Variants in SPATS2 observed in about 807,000 individuals in gnomAD.
The protein encoded by SPATS2 is spermatogenesis associated serine rich 2, also known as spermatogenesis-associated serine-rich protein 2.
In SPATS2, 38 loss-of-function variants were observed where a neutral mutation model predicts 63.7. The ratio of observed to expected loss-of-function variants is 0.60; its 90% CI spans 0.46 to 0.78. The LOEUF (loss-of-function observed/expected upper bound fraction) is 0.78, where lower values mean the gene tolerates loss of function less well. Among genes scored for constraint, SPATS2 ranks in the 30% least tolerant of loss-of-function variants. The pLI is 0.00. For missense variants in SPATS2, 588 were observed against 666.2 expected (o/e 0.88, Z 1.29); for synonymous variants, 207 against 232.9 (o/e 0.89, Z 1.01).
chr12:49,412,225 C>G (rs959001699), intron 2 of SPATS2, among the ~76,000 whole-genome samples: 3 of 152,072 alleles, frequency 2.0e-5, no homozygotes, highest in African/African-American at 7.2e-5. Flanking sequence ...GATGGATTCT[C>G]TCTCTGTCGC....
At chr12:49,446,626 A>G (rs1026455079) in intron 2 of SPATS2, among the ~76,000 whole-genome samples, 1 of 152,140 alleles carries the variant, frequency 6.6e-6, no homozygotes, top group Non-Finnish European at 1.5e-5. Flanking sequence ...CTCTTGCTTC[A>G]AATCTGTCTT....
At chr12:49,501,556 G>A (rs1251060381) in intron 9 of SPATS2, among the ~76,000 whole-genome samples, 1 of 152,148 alleles carries the variant, frequency 6.6e-6, no homozygotes, top group South Asian at 2.1e-4. Context: ...AATGTTTCCT[G>A]GAACACTGAA....
chr12:49,485,207 C>CA (rs1274256050), intron 4 of SPATS2, among the ~76,000 whole-genome samples: 1 of 151,674 alleles, frequency 6.6e-6, no homozygotes, highest in Non-Finnish European at 1.5e-5. Context: ...GCTGGGACTA[C>CA]AGGCGCCCAC....
intron 12 of SPATS2, among the ~76,000 whole-genome samples, chr12:49,523,631 G>C (rs1946979857): frequency 6.6e-6 from 1 of 152,180 alleles, no homozygotes; most frequent in Non-Finnish European, 1.5e-5. Flanking sequence ...CCTGAACTCA[G>C]CCTCTCTGTT....
chr12:49,380,447 TG>T (rs1229495242), intron 2 of SPATS2, among the ~76,000 whole-genome samples: 1 of 152,196 alleles, frequency 6.6e-6, no homozygotes, highest in Non-Finnish European at 1.5e-5. Flanking sequence ...GACTCACACC[TG>T]TAATCTCAGC....
In SPATS2 at chr12:49,524,927, G is replaced by A. The variant is rs776170048; in HGVS notation, c.1326+31G>A. The A allele has an allele frequency of 3.8e-6, 6 of 1,599,494 alleles. No individual in the cohort carries two copies. The Admixed American group carries it at 8.4e-5, about 22-fold the overall frequency. ...CTAGCTTCTACACTGAGCATGTTAG[G>A]AAGAAAACCCTCCAGATTGTCAAAG... On this transcript the variant is annotated intron_variant, in intron 13 of 13. Transcript: ENST00000552918.
At chr12:49,509,909 G>A (rs765654461) in intron 9 of SPATS2, among the ~76,000 whole-genome samples, 47 of 151,822 alleles carry the variant, frequency 3.1e-4, no homozygotes, top group African/African-American at 9.4e-4. Flanking sequence ...AAAAAAAGGC[G>A]TCTGCATTGG....
chr12:49,489,614 CA>C (rs1565747026), intron 5 of SPATS2, 41 bp downstream of exon 5: 2 of 1,543,718 alleles, frequency 1.3e-6, no homozygotes, highest in South Asian at 1.2e-5. Context: ...TATATTTGCT[CA>C]AATAGAATTT....
At chr12:49,521,016 G>T (rs553625952) in intron 11 of SPATS2, among the ~76,000 whole-genome samples, 129 of 152,276 alleles carry the variant, frequency 8.5e-4, no homozygotes, top group Non-Finnish European at 1.5e-3. Context: ...ACCACGCCTG[G>T]CCAAATTCTT....
chr12:49,501,236 T>G (rs1282152365), intron 9 of SPATS2, among the ~76,000 whole-genome samples: 1 of 152,130 alleles, frequency 6.6e-6, no homozygotes, highest in African/African-American at 2.4e-5. Flanking sequence ...TGAATAGAGA[T>G]TTATTTTTTA....
At chr12:49,449,363 G>A (rs1945576101) in intron 2 of SPATS2, among the ~76,000 whole-genome samples, 2 of 152,056 alleles carry the variant, frequency 1.3e-5, no homozygotes, top group South Asian at 2.1e-4. Flanking sequence ...TTACAGGCAC[G>A]TGCCACCACA....
At chr12:49,484,518 T>G in intron 3 of SPATS2, 72 bp from the exon 4 acceptor site, 1 of 1,461,996 alleles carries the variant, frequency 6.8e-7, no homozygotes, top group South Asian at 1.2e-5. Context: ...AAGCAGCCAG[T>G]CTTGGCCCTT....
At chr12:49,436,739 C>A (rs1181867479) in intron 2 of SPATS2, among the ~76,000 whole-genome samples, 35 of 146,696 alleles carry the variant, frequency 2.4e-4, no homozygotes, top group African/African-American at 8.3e-4. Flanking sequence ...GGGGGCTGAC[C>A]CCCCCACATC....
At chr12:49,428,370 A>T (rs1945121752) in intron 2 of SPATS2, among the ~76,000 whole-genome samples, 1 of 152,132 alleles carries the variant, frequency 6.6e-6, no homozygotes, top group Admixed American at 6.6e-5. Flanking sequence ...ATTCTTGTGC[A>T]TCCATCTCCA....
At chr12:49,470,086 T>C (rs559966274) in intron 3 of SPATS2, among the ~76,000 whole-genome samples, 1 of 152,104 alleles carries the variant, frequency 6.6e-6, no homozygotes, top group South Asian at 2.1e-4. Context: ...TGGAGTGGTG[T>C]AATGGCACAG....
At chr12:49,469,402 AAAAAAAAAAAAG>A in intron 3 of SPATS2, 11 of 259,680 alleles carry the variant, frequency 4.2e-5, no homozygotes, top group South Asian at 3.8e-4. Flanking sequence ...AAAAAAAAAA[AAAAAAAAAAAAG>A]CCAGGCATGG....
At chr12:49,436,672 T>G in intron 2 of SPATS2, among the ~76,000 whole-genome samples, 1 of 110,008 alleles carries the variant, frequency 9.1e-6, no homozygotes, top group African/African-American at 3.5e-5. Context: ...CTCTTCCCAG[T>G]AGGGGCGGCC....
chr12:49,501,987 G>C (rs1486186599), intron 9 of SPATS2, among the ~76,000 whole-genome samples: 2 of 152,148 alleles, frequency 1.3e-5, no homozygotes, highest in East Asian at 3.8e-4. Flanking sequence ...TTTGAAACTA[G>C]AAAAGACTTA....
intron 8 of SPATS2, among the ~76,000 whole-genome samples, chr12:49,497,407 T>A (rs34061029): frequency 2.0e-5 from 3 of 149,374 alleles, no homozygotes; most frequent in Admixed American, 2.0e-4. Flanking sequence ...TTTTTTTTTT[T>A]CCCCCGAGAC....
Sources: gnomAD v4.1 joint callset for allele counts (sites outside exome capture counted in the v4.1 genomes callset) on GRCh38, gnomAD v4.1.1 for gene constraint, MANE v1.5 for transcripts, NCBI Gene and HGNC (gene_info 2026-07-23, HGNC 2026-07-21) for gene names.